Variants in ZNF705A observed in about 807,000 individuals in gnomAD.
The protein encoded by ZNF705A is zinc finger protein 705A.
A neutral mutation model predicts 16.6 loss-of-function variants in ZNF705A; 8 were observed. The ratio of observed to expected loss-of-function variants is 0.48; its 90% CI spans 0.28 to 0.87. The LOEUF (loss-of-function observed/expected upper bound fraction) is 0.87, where lower values mean the gene tolerates loss of function less well. Ranked by LOEUF, ZNF705A falls within the 40% of genes least tolerant of loss-of-function variation. The probability of loss-of-function intolerance (pLI) is 0.10; values close to 1 mark genes in which losing one functional copy is unlikely to be tolerated. For missense variants in ZNF705A, 233 were observed against 359.9 expected, an observed-to-expected ratio of 0.65 and a Z score of 2.85; for synonymous variants, 73 against 117.3, an observed-to-expected ratio of 0.62 and a Z score of 2.44.
exon 5 of ZNF705A, chr12:8,177,468 A>G: frequency 6.2e-7 from 1 of 1,612,258 alleles, no homozygotes; most frequent in Non-Finnish European, 8.5e-7. Context: ...AAAAGTGGGA[A>G]AGCCTTTAGT....
intron 4 of ZNF705A, 127 bp downstream of exon 5, chr12:8,176,069 A>T (rs1444180345): frequency 1.8e-5 from 26 of 1,437,172 alleles, no homozygotes; most frequent in Middle Eastern, 5.0e-4. Context: ...GCAAAAAAAA[A>T]TTGAATACTT....
chr12:8,176,342 A>G (rs1320111774), intron 4 of ZNF705A, among the ~76,000 whole-genome samples: 1 of 152,220 alleles, frequency 6.6e-6, no homozygotes, highest in Non-Finnish European at 1.5e-5. Flanking sequence ...AGTTAAGGAC[A>G]TGCACCCAGG....
chr12:8,159,983 C>T (rs541257928), intron 1 of ZNF705A, among the ~76,000 whole-genome samples: 1 of 152,100 alleles, frequency 6.6e-6, no homozygotes, highest in Non-Finnish European at 1.5e-5. Flanking sequence ...TGTAATCCAT[C>T]TTGAGTTGAT....
Position 8,173,728 on chromosome 12 carries a change from C to T in ZNF705A, c.13-598C>T, listed in dbSNP as rs141734391. Among the ~76,000 whole-genome samples, 40 of 152,296 alleles carry T rather than the reference C, an allele frequency of 2.6e-4. No individual in the cohort carries two copies. In the East Asian group the frequency reaches 5.4e-3, roughly 21 times the overall value. Reference sequence around the variant, plus strand: ...AAAGCTTTTTCAGTTCTGAAGAATGCTGGAGTCTGGTTCATTACTTTCTAA... The same window carrying T: ...AAAGCTTTTTCAGTTCTGAAGAATGTTGGAGTCTGGTTCATTACTTTCTAA... On this transcript the variant is annotated intron_variant, in intron 1 of 4. Transcript: ENST00000359286.
At chr12:8,176,664 A>C (rs1305112615) in intron 4 of ZNF705A, among the ~76,000 whole-genome samples, 1 of 152,212 alleles carries the variant, frequency 6.6e-6, no homozygotes, top group Non-Finnish European at 1.5e-5. Flanking sequence ...ACAAGTTATC[A>C]GTTTGCATTG....
intron 4 of ZNF705A, 53 bp from the exon 6 acceptor site, chr12:8,176,946 T>C: frequency 1.9e-6 from 3 of 1,570,428 alleles, no homozygotes; most frequent in Admixed American, 1.7e-5. Context: ...GTGAAATGAA[T>C]GTATAGATAT....
chr12:8,162,643 C>T (rs1948365359), intron 1 of ZNF705A, among the ~76,000 whole-genome samples: 1 of 152,058 alleles, frequency 6.6e-6, no homozygotes, highest in African/African-American at 2.4e-5. Flanking sequence ...CAGCTGCAGT[C>T]CCTATCTTCT....
chr12:8,170,465 A>G, upstream of ZNF705A, among the ~76,000 whole-genome samples: 1 of 152,198 alleles, frequency 6.6e-6, no homozygotes, highest in Non-Finnish European at 1.5e-5. Context: ...AGAGTCCTTT[A>G]TGAAATAAGT....
At chr12:8,159,701 G>T (rs1183983305) in intron 1 of ZNF705A, among the ~76,000 whole-genome samples, 1 of 151,920 alleles carries the variant, frequency 6.6e-6, no homozygotes, top group Non-Finnish European at 1.5e-5. Context: ...TGATTTGTTT[G>T]AGTTCGTTGT....
At chr12:8,162,721 A>C (rs1475577235) in intron 1 of ZNF705A, among the ~76,000 whole-genome samples, 4 of 152,198 alleles carry the variant, frequency 2.6e-5, no homozygotes, top group Non-Finnish European at 5.9e-5. Context: ...AATGGGTGCT[A>C]TCAGACAAGA....
intron 1 of ZNF705A, among the ~76,000 whole-genome samples, chr12:8,162,734 G>T (rs1459247867): frequency 6.6e-6 from 1 of 152,136 alleles, no homozygotes. Flanking sequence ...AGACAAGAGC[G>T]AAATGCTGTC....
At chr12:8,157,995 A>G (rs4284474) in intron 1 of ZNF705A, among the ~76,000 whole-genome samples, 133,489 of 152,046 alleles carry the variant, frequency 0.88, 60,080 homozygotes, top group Non-Finnish European at 0.98. Flanking sequence ...GTTCACAGAA[A>G]TAACACTGAT....
rs143868314 is a variant in ZNF705A at position 8,160,232 on chromosome 12, T to C, written c.-72+3140T>C. 7.8e-3 allele frequency among the ~76,000 whole-genome samples: 1,182 copies of C among 152,274 alleles called. 15 individuals are homozygous for C. Among genetic ancestry groups the C allele is most frequent in the African/African-American group, 0.027 (1,116 of 41,576 alleles). On this transcript the variant is annotated intron_variant, in intron 1 of 5. Coordinates refer to the ZNF705A transcript ENST00000396570. ...TGCTGTTTTGGTGACTATGACCTTA[T>C]AATATATTTTGAAATTAGGTAGTGT... is the stretch of plus-strand genomic sequence containing the variant.
At chr12:8,165,995 T>C (rs1394386907) in intron 1 of ZNF705A, among the ~76,000 whole-genome samples, 1 of 152,264 alleles carries the variant, frequency 6.6e-6, no homozygotes, top group African/African-American at 2.4e-5. Flanking sequence ...CACATCTTTA[T>C]GGTAGAACAA....
intron 1 of ZNF705A, among the ~76,000 whole-genome samples, chr12:8,161,543 G>A (rs1948355200): frequency 1.3e-5 from 2 of 152,092 alleles, no homozygotes; most frequent in South Asian, 4.1e-4. Context: ...TATTTTTCTA[G>A]GAAGTTATCC....
chr12:8,165,951 T>A (rs1177916750), intron 1 of ZNF705A, among the ~76,000 whole-genome samples: 2 of 152,264 alleles, frequency 1.3e-5, no homozygotes, highest in African/African-American at 4.8e-5. Flanking sequence ...GTCTTTGCTA[T>A]TGCAAATAAT....
intron 4 of ZNF705A, among the ~76,000 whole-genome samples, chr12:8,176,757 C>T (rs749460340): frequency 1.6e-4 from 24 of 152,104 alleles, no homozygotes; most frequent in African/African-American, 4.6e-4. Context: ...ATCTTGTAGC[C>T]GTATTATTTA....
At chr12:8,163,848 A>G (rs1948377466) in intron 1 of ZNF705A, among the ~76,000 whole-genome samples, 1 of 152,192 alleles carries the variant, frequency 6.6e-6, no homozygotes, top group African/African-American at 2.4e-5. Context: ...AAGCCAAGAG[A>G]GAAAAACAAG....
intron 1 of ZNF705A, 108 bp downstream of exon 1, chr12:8,157,200 A>G (rs1948316971): frequency 2.5e-6 from 1 of 393,640 alleles, no homozygotes. Context: ...TCAACTGGAG[A>G]CCCTAAATAA....
Sources: allele counts gnomAD v4.1 joint callset (sites outside exome capture counted in the v4.1 genomes callset), GRCh38; gene constraint gnomAD v4.1.1; transcripts MANE v1.5; gene names NCBI Gene and HGNC (gene_info 2026-07-23, HGNC 2026-07-21).